Variants in PVALEF observed in about 807,000 individuals in gnomAD.
The protein encoded by PVALEF is parvalbumin like EF-hand containing.
A neutral mutation model predicts 1.2 loss-of-function variants in PVALEF; 2 were observed. The ratio of observed to expected loss-of-function variants is 1.68; its 90% confidence interval spans 0.69 to 5.28. The LOEUF is 5.28. Among genes scored for constraint, PVALEF ranks in the 30% most tolerant of loss-of-function variants. The probability of loss-of-function intolerance (pLI) is 0.06; values close to 1 mark genes in which losing one functional copy is unlikely to be tolerated. For synonymous variants in PVALEF, 16 were observed against 6.5 expected, an observed-to-expected ratio of 2.47 and a Z score of -2.24; for missense variants, 35 against 17.7, an observed-to-expected ratio of 1.97 and a Z score of -1.75.
rs1472496617 is a variant in PVALEF, at chr17:81,166,833, G to A, written c.-351G>A. On this transcript the variant is annotated 5_prime_UTR_variant, in exon 2 of 7. An upstream open reading frame in the 5' UTR gains an earlier in-frame stop. Transcript: ENST00000637878. ...ACCTGGCTGAGTCTCCACCTGCCGTGGACTGTACCAGGTGCTTAGGGCAGC... is the reference window on the plus strand; with the variant it reads ...ACCTGGCTGAGTCTCCACCTGCCGTAGACTGTACCAGGTGCTTAGGGCAGC... The A allele has an allele frequency of 2.7e-5, 12 of 448,190 alleles. No homozygotes were observed. Among genetic ancestry groups the A allele is most frequent in the Admixed American group, 2.4e-4 (10 of 41,776 alleles). 27.8% of individuals were successfully genotyped at this position (448,190 alleles called of 1,614,324 possible).
chr17:81,167,919 G>A (rs1484891080), intron 2 of PVALEF, among the ~76,000 whole-genome samples: 3 of 152,230 alleles, frequency 2.0e-5, no homozygotes, highest in African/African-American at 7.2e-5. Context: ...GAGCCCAGAG[G>A]GCTGGGAGGA....
chr17:81,174,243 G>A (rs914825946), intron 2 of PVALEF, among the ~76,000 whole-genome samples: 1 of 152,166 alleles, frequency 6.6e-6, no homozygotes, highest in Non-Finnish European at 1.5e-5. Context: ...AGAAAAGCGT[G>A]TCCACTCTCG....
chr17:81,177,628 A>C (rs1246406421), intron 2 of PVALEF, among the ~76,000 whole-genome samples: 2 of 152,180 alleles, frequency 1.3e-5, no homozygotes, highest in African/African-American at 4.8e-5. Flanking sequence ...AAAGCACGCA[A>C]GAAAGAAGAA....
At chr17:81,182,203 C>G (rs2061556898) in intron 6 of PVALEF, 122 bp downstream of exon 6, 1 of 396,692 alleles carries the variant, frequency 2.5e-6, no homozygotes, top group African/African-American at 2.1e-5. Context: ...AACCCAGGCT[C>G]AGGGGTCTGG....
intron 2 of PVALEF, among the ~76,000 whole-genome samples, chr17:81,172,463 C>T (rs1026127517): frequency 2.6e-5 from 4 of 152,192 alleles, no homozygotes; most frequent in Non-Finnish European, 5.9e-5. Flanking sequence ...TCTCCTGGTC[C>T]AGCAGCAGAC....
At position 81,182,914 on chromosome 17, in the gene PVALEF, C is replaced by T. The variant is rs573616612; in HGVS notation, c.359-51C>T. The T allele has an allele frequency of 2.6e-3, 1,041 of 398,582 alleles. 10 individuals are homozygous for T. The highest frequency in any genetic ancestry group is 0.019 in the African/African-American group (950 of 48,764). The allele number at this position is 398,582 out of a possible 1,614,324, so 24.7% of individuals were successfully genotyped here. A position where few individuals can be genotyped will look rare whatever the true frequency, so the allele number is the denominator to read the frequency against. On this transcript the variant is annotated intron_variant, in intron 6 of 6. Transcript: ENST00000637878. ...CTGAGAGTTAAAGGGCCTACAGGAA[C>T]TGGGGGACACAAAACAGGGGTACTT...
intron 6 of PVALEF, 138 bp downstream of exon 6, chr17:81,182,219 G>C (rs2061557009): frequency 2.5e-6 from 1 of 396,240 alleles, no homozygotes; most frequent in African/African-American, 2.1e-5. Flanking sequence ...TCTGGGCCGG[G>C]AGTCTAGGTG....
intron 4 of PVALEF, 68 bp from the exon 5 acceptor site, chr17:81,181,491 G>A (rs1049511286): frequency 1.0e-5 from 5 of 491,610 alleles, no homozygotes; most frequent in Admixed American, 3.9e-5. Context: ...ATCCCAGGGC[G>A]GGGTCTTCCC....
intron 3 of PVALEF, among the ~76,000 whole-genome samples, chr17:81,180,461 C>T (rs2061550004): frequency 1.3e-5 from 2 of 152,212 alleles, no homozygotes; most frequent in South Asian, 4.1e-4. Context: ...TGCCCGCTCA[C>T]CACCACCCTG....
At chr17:81,169,223 G>A (rs1211673014) in intron 2 of PVALEF, among the ~76,000 whole-genome samples, 1 of 152,192 alleles carries the variant, frequency 6.6e-6, no homozygotes, top group Non-Finnish European at 1.5e-5. Flanking sequence ...TGCCCACCCT[G>A]GTGAAGATGC....
intron 2 of PVALEF, among the ~76,000 whole-genome samples, chr17:81,174,224 C>T (rs1039918883): frequency 1.3e-5 from 2 of 152,186 alleles, no homozygotes; most frequent in African/African-American, 2.4e-5. Flanking sequence ...AACTTTTCCT[C>T]TAAGATCAAG....
chr17:81,168,910 G>T (rs921965315), intron 2 of PVALEF, among the ~76,000 whole-genome samples: 12 of 152,330 alleles, frequency 7.9e-5, no homozygotes, highest in African/African-American at 2.4e-4. Flanking sequence ...AACAGGATGT[G>T]ATCTGTCCAT....
chr17:81,165,865 C>T (rs1280313232), intron 1 of PVALEF, 118 bp downstream of exon 1: 2 of 1,534,982 alleles, frequency 1.3e-6, no homozygotes, highest in East Asian at 2.5e-5. Context: ...AACCGGGAGC[C>T]GTGGGGCCCA....
At chr17:81,182,941 C>T (rs559956630) in intron 6 of PVALEF, 24 bp from the exon 7 acceptor site, 1 of 398,660 alleles carries the variant, frequency 2.5e-6, no homozygotes, top group African/African-American at 2.1e-5. Flanking sequence ...GGGGTACTTA[C>T]TTTAAATTGG....
At chr17:81,172,064 C>T (rs576910256) in intron 2 of PVALEF, among the ~76,000 whole-genome samples, 4 of 152,334 alleles carry the variant, frequency 2.6e-5, no homozygotes, top group African/African-American at 7.2e-5. Flanking sequence ...GCGTCTGCCA[C>T]GCTTCCCTCA....
At position 81,181,319 on chromosome 17, in the gene PVALEF, C is replaced by A; in HGVS notation, c.93C>A (p.Asp31Glu). Residue 31 changes from aspartate to glutamate, a missense_variant, in exon 4 of 7, where the codon GAC becomes GAA. Asp to Glu is a conservative substitution (Grantham distance 45). Coordinates refer to ENST00000637878, the MANE Select transcript of PVALEF (RefSeq NM_001354639.2). Reference protein sequence around the residue: ...SDKDIELLPTDMRHHGSFNYL... With the variant: ...SDKDIELLPTEMRHHGSFNYL... ...AGGACATTGAGCTGCTGCCCACAGA[C>A]ATGAGACACCACGGTACAGCATGCC... is the stretch of plus-strand genomic sequence containing the variant. The A allele has an allele frequency of 2.9e-6, 2 of 685,898 alleles. No homozygotes were observed. The highest frequency in any genetic ancestry group is 1.6e-5 in the South Asian group (1 of 63,816). The allele number at this position is 685,898 out of a possible 1,614,324, so 42.5% of individuals were successfully genotyped here. A position where few individuals can be genotyped will look rare whatever the true frequency, so the allele number is the denominator to read the frequency against.
Position 81,165,963 on chromosome 17 carries a change from G to A in PVALEF, c.-508+216G>A, listed in dbSNP as rs758957708. 3 of 1,585,768 alleles carry A rather than the reference G, an allele frequency of 1.9e-6. No homozygotes were observed. The East Asian group carries it at 7.0e-5, about 37-fold the overall frequency. On this transcript the variant is annotated intron_variant, in intron 1 of 6. Coordinates refer to ENST00000637878, the MANE Select transcript of PVALEF (RefSeq NM_001354639.2). ...CGGGGTCGAAGTGCGAGCTGAAGGC[G>A]AAGCTGGGGTTGAAGAAGGACGACG...
intron 2 of PVALEF, among the ~76,000 whole-genome samples, chr17:81,174,760 T>C (rs908270079): frequency 2.6e-5 from 4 of 151,844 alleles, no homozygotes; most frequent in African/African-American, 9.7e-5. Flanking sequence ...CCATCCTGGC[T>C]AACACAGTGA....
chr17:81,181,667 G>C lies in PVALEF; in HGVS notation c.215G>C (p.Ser72Thr), dbSNP rs2061554647. ...TTCCAGTCCCTGGACAAGGACAAGA[G>C]TGGCTTCATTGAGTGGAACGAGATC... is the stretch of plus-strand genomic sequence containing the variant. ...TAFQSLDKDK[S>T]GFIEWNEIKY... The change falls in exon 5 of 7, where the codon AGT (serine) becomes ACT (threonine). Residue 72 changes from serine to threonine, a missense_variant. By Grantham distance (58) the Ser-to-Thr change is moderately conservative. Coordinates refer to ENST00000637878, the MANE Select transcript of PVALEF (RefSeq NM_001354639.2). 2.5e-6 allele frequency: 1 copy of C among 406,748 alleles called. No homozygotes were observed. Among genetic ancestry groups the C allele is most frequent in the Non-Finnish European group, 4.3e-6 (1 of 231,668 alleles). The allele number at this position is 406,748 out of a possible 1,614,324, so 25.2% of individuals were successfully genotyped here. A position where few individuals can be genotyped will look rare whatever the true frequency, so the allele number is the denominator to read the frequency against.
Sources: allele counts gnomAD v4.1 joint callset (sites outside exome capture counted in the v4.1 genomes callset), GRCh38; gene constraint gnomAD v4.1.1; transcripts MANE v1.5; gene names NCBI Gene and HGNC (gene_info 2026-07-23, HGNC 2026-07-21).